Variants in PDE8B observed in about 807,000 individuals in gnomAD.
PDE8B encodes phosphodiesterase 8B, also known as high affinity cAMP-specific and IBMX-insensitive 3',5'-cyclic phosphodiesterase 8B.
In PDE8B, 26 loss-of-function variants were observed where a neutral mutation model predicts 101.3. The observed-to-expected ratio is 0.26, with a 90% CI of 0.19 to 0.36. The LOEUF (loss-of-function observed/expected upper bound fraction) is 0.36. PDE8B is among the 10% of genes least tolerant of loss of function. The probability of loss-of-function intolerance (pLI) is 1.00; values close to 1 mark genes in which losing one functional copy is unlikely to be tolerated. For synonymous variants in PDE8B, 424 were observed against 429.3 expected, an observed-to-expected ratio of 0.99 and a Z score of 0.15; for missense variants, 810 against 1,163.1, an observed-to-expected ratio of 0.70 and a Z score of 4.42.
At chr5:77,280,756 G>T (rs1181053179) in intron 1 of PDE8B, among the ~76,000 whole-genome samples, 2 of 152,134 alleles carry the variant, frequency 1.3e-5, no homozygotes, top group African/African-American at 4.8e-5. Flanking sequence ...AATTAGCTGG[G>T]TGTGGTGGCA....
chr5:77,389,967 C>T (rs1168432084), intron 10 of PDE8B, among the ~76,000 whole-genome samples: 2 of 152,078 alleles, frequency 1.3e-5, no homozygotes, highest in African/African-American at 4.8e-5. Flanking sequence ...GACTGTTGGG[C>T]TGCGTAGTAG....
the PDE8B span, among the ~76,000 whole-genome samples, chr5:77,191,415 C>T: frequency 7.9e-5 from 12 of 151,514 alleles, no homozygotes; most frequent in Admixed American, 1.3e-4. Flanking sequence ...TGCAGTGGCG[C>T]GATCTTGGCT....
chr5:77,335,532 G>GGTGTGTGT lies in PDE8B; in HGVS notation c.709-1669_709-1662dup, dbSNP rs35776739. On this transcript the variant is annotated intron_variant, in intron 5 of 21. Transcript: ENST00000264917. The stretch of plus-strand genomic sequence containing the variant: ...GCCAACCACTCCAGTGTATATGTGG[G>GGTGTGTGT]GTGTGTGTGTGTGTGTGTGTGTGTG... Among the ~76,000 whole-genome samples the GGTGTGTGT allele has an allele frequency of 5.3e-3, 772 of 145,670 alleles. 3 individuals carry two copies. Among genetic ancestry groups the GGTGTGTGT allele is most frequent in the Middle Eastern group, 0.011 (3 of 278 alleles).
chr5:77,282,884 A>G (rs1169189612), intron 1 of PDE8B, among the ~76,000 whole-genome samples: 1 of 151,734 alleles, frequency 6.6e-6, no homozygotes, highest in Admixed American at 6.6e-5. Context: ...AATGTCAAGC[A>G]GAAGGATGTT....
the PDE8B span, among the ~76,000 whole-genome samples, chr5:77,097,044 C>G: frequency 6.6e-6 from 1 of 152,274 alleles, no homozygotes; most frequent in Admixed American, 6.5e-5. Flanking sequence ...TTATTTTTCT[C>G]TATTTTCCTT....
At chr5:77,172,219 C>T in the PDE8B span, among the ~76,000 whole-genome samples, 1 of 152,158 alleles carries the variant, frequency 6.6e-6, no homozygotes, top group African/African-American at 2.4e-5. Flanking sequence ...AGGGACTGGG[C>T]TGGGTTTGTT....
the PDE8B span, among the ~76,000 whole-genome samples, chr5:77,153,205 G>A: frequency 6.6e-6 from 1 of 152,124 alleles, no homozygotes; most frequent in African/African-American, 2.4e-5. Flanking sequence ...CTGACTTAAA[G>A]GAGGGCTTTT....
chr5:77,142,192 C>G, the PDE8B span: 2 of 152,112 alleles, frequency 1.3e-5, no homozygotes, highest in Non-Finnish European at 2.9e-5. Flanking sequence ...GGGGATGTCA[C>G]TTTTATCTGT....
chr5:77,366,438 A>G (rs958768945), intron 10 of PDE8B, among the ~76,000 whole-genome samples: 4 of 152,182 alleles, frequency 2.6e-5, no homozygotes, highest in African/African-American at 7.2e-5. Flanking sequence ...CCATGGGGTG[A>G]GAGTCCAGAG....
In PDE8B at chr5:77,258,883, T is replaced by G. The variant is rs1759769717; in HGVS notation, c.339+47619T>G. The stretch of plus-strand genomic sequence containing the variant: ...TGGCTTTTCCTCCTCCTGTACAGAC[T>G]GTTGGTTCCTCAGGGTCTGGGCAGG... On this transcript the variant is annotated intron_variant, in intron 1 of 21. Transcript: ENST00000264917. 2.6e-5 allele frequency among the ~76,000 whole-genome samples: 4 copies of G among 151,944 alleles called. No individual in the cohort carries two copies. The South Asian group carries it at 8.3e-4, about 32-fold the overall frequency.
At chr5:77,397,430 A>C (rs1355438473) in intron 10 of PDE8B, among the ~76,000 whole-genome samples, 2 of 152,118 alleles carry the variant, frequency 1.3e-5, no homozygotes. Flanking sequence ...ACATACACAC[A>C]AACAGAAGCA....
chr5:77,331,508 C>A, intron 5 of PDE8B, 49 bp downstream of exon 5: 1 of 1,382,454 alleles, frequency 7.2e-7, no homozygotes, highest in South Asian at 1.2e-5. Flanking sequence ...CACCTTAACC[C>A]CTAACTCTCC....
chr5:77,318,498 C>T (rs543604235), intron 2 of PDE8B, among the ~76,000 whole-genome samples: 1 of 152,202 alleles, frequency 6.6e-6, no homozygotes, highest in African/African-American at 2.4e-5. Context: ...AGTTTTTTAA[C>T]CATCTAAGCC....
At chr5:77,361,573 G>A (rs572471537) in intron 10 of PDE8B, among the ~76,000 whole-genome samples, 11 of 149,304 alleles carry the variant, frequency 7.4e-5, no homozygotes, top group African/African-American at 2.7e-4. Context: ...AGAGTGCAGT[G>A]GCGCGATCTC....
At chr5:77,426,185 G>A in intron 21 of PDE8B, 1 of 589,228 alleles carries the variant, frequency 1.7e-6, no homozygotes, top group Non-Finnish European at 3.0e-6. Flanking sequence ...GTCGTTGGAG[G>A]AAAACTCTAG....
the PDE8B span, among the ~76,000 whole-genome samples, chr5:77,096,244 C>G: frequency 4.6e-5 from 7 of 152,326 alleles, no homozygotes; most frequent in Admixed American, 4.6e-4. Flanking sequence ...CTGCCTCAGC[C>G]TCCCAAAGTG....
At chr5:77,216,368 C>A (rs569135327) in intron 1 of PDE8B, among the ~76,000 whole-genome samples, 1 of 152,256 alleles carries the variant, frequency 6.6e-6, no homozygotes, top group East Asian at 1.9e-4. Flanking sequence ...GGAGGCCTCA[C>A]AATCATGGCC....
chr5:77,321,142 A>ATTTTTT (rs10538529), intron 2 of PDE8B, among the ~76,000 whole-genome samples: 66 of 76,424 alleles, frequency 8.6e-4, no homozygotes, highest in Middle Eastern at 8.9e-3. Flanking sequence ...CAGTATCTCT[A>ATTTTTT]TTTTTTTTTT....
At chr5:77,147,050 C>A in the PDE8B span, 1 of 439,590 alleles carries the variant, frequency 2.3e-6, no homozygotes, top group East Asian at 6.4e-5. Flanking sequence ...AGGATATTGC[C>A]TCATACTGAG....
Sources: gnomAD v4.1 joint callset for allele counts (sites outside exome capture counted in the v4.1 genomes callset) on GRCh38, gnomAD v4.1.1 for gene constraint, MANE v1.5 for transcripts, NCBI Gene and HGNC (gene_info 2026-07-23, HGNC 2026-07-21) for gene names.